CLIC4: variants seen among roughly 807,000 people sequenced by gnomAD.
CLIC4 encodes the protein chloride intracellular channel protein 4.
Under a neutral mutation model 24.6 loss-of-function variants are expected in CLIC4, and 13 were observed. The ratio of observed to expected loss-of-function variants is 0.53; its 90% CI spans 0.34 to 0.84. The LOEUF (loss-of-function observed/expected upper bound fraction) is 0.84, where lower values mean the gene tolerates loss of function less well. CLIC4 is among the 40% of genes least tolerant of loss of function. The pLI is 0.01. For synonymous variants in CLIC4, 104 were observed against 111.3 expected (o/e 0.93, Z 0.41); for missense variants, 227 against 301.7 (o/e 0.75, Z 1.83).
At chr1:24,771,434 G>C (rs1013400418) in intron 1 of CLIC4, among the ~76,000 whole-genome samples, 2 of 152,062 alleles carry the variant, frequency 1.3e-5, no homozygotes, top group Non-Finnish European at 2.9e-5. Context: ...TCAAGGATAA[G>C]GGATTATTTT....
chr1:24,799,517 G>T (rs1316315155), intron 2 of CLIC4, among the ~76,000 whole-genome samples: 1 of 151,266 alleles, frequency 6.6e-6, no homozygotes, highest in East Asian at 2.0e-4. Context: ...GGGAAGTGAG[G>T]AGCGTCTCCG....
intron 1 of CLIC4, among the ~76,000 whole-genome samples, chr1:24,745,946 C>T (rs1314525608): frequency 2.0e-5 from 3 of 150,320 alleles, no homozygotes; most frequent in African/African-American, 7.3e-5. Flanking sequence ...CCCGGGGCCC[C>T]AGCGCCGGGC....
intron 1 of CLIC4, among the ~76,000 whole-genome samples, chr1:24,761,803 T>G (rs1638930908): frequency 6.6e-6 from 1 of 152,054 alleles, no homozygotes; most frequent in African/African-American, 2.4e-5. Flanking sequence ...AGAATGGATT[T>G]GAGGTAGATT....
At chr1:24,813,121 G>A (rs1639632196) in intron 2 of CLIC4, among the ~76,000 whole-genome samples, 1 of 148,734 alleles carries the variant, frequency 6.7e-6, no homozygotes. Context: ...TCTGCTGACT[G>A]CAGCCTCTGC....
chr1:24,749,330 G>T (rs1396630841), intron 1 of CLIC4, among the ~76,000 whole-genome samples: 2 of 152,120 alleles, frequency 1.3e-5, no homozygotes, highest in East Asian at 1.9e-4. Context: ...GTTTGTAAAA[G>T]AAAACTATTT....
chr1:24,801,414 G>A (rs1345062826), intron 2 of CLIC4, among the ~76,000 whole-genome samples: 1 of 152,156 alleles, frequency 6.6e-6, no homozygotes, highest in Non-Finnish European at 1.5e-5. Context: ...TAAACAACCA[G>A]ATCTTGTGAG....
chr1:24,781,134 A>ATT (rs35627731), intron 1 of CLIC4, among the ~76,000 whole-genome samples: 6 of 97,342 alleles, frequency 6.2e-5, no homozygotes, highest in Middle Eastern at 5.8e-3. Flanking sequence ...AGGTAACTGA[A>ATT]TTTTTTTTTT....
At chr1:24,790,586 G>C (rs886990860) in intron 1 of CLIC4, among the ~76,000 whole-genome samples, 4 of 152,164 alleles carry the variant, frequency 2.6e-5, no homozygotes, top group African/African-American at 4.8e-5. Flanking sequence ...CTGCTGGGGT[G>C]GGGGAATGGG....
intron 2 of CLIC4, among the ~76,000 whole-genome samples, chr1:24,807,570 G>C (rs1639565592): frequency 6.6e-6 from 1 of 152,142 alleles, no homozygotes. Flanking sequence ...GAGTCACCGG[G>C]TGAGTGGTTT....
chr1:24,820,117 G>A (rs1250883906), intron 3 of CLIC4, among the ~76,000 whole-genome samples: 3 of 108,734 alleles, frequency 2.8e-5, no homozygotes, highest in Non-Finnish European at 5.7e-5. Flanking sequence ...TTGTACTGTC[G>A]CCCAGGCTGG....
chr1:24,835,455 C>T (rs577797408), intron 4 of CLIC4, among the ~76,000 whole-genome samples: 3 of 152,186 alleles, frequency 2.0e-5, no homozygotes, highest in East Asian at 1.9e-4. Flanking sequence ...CCCAGCTACT[C>T]GGGAGGCTGA....
At chr1:24,814,356 C>A in intron 3 of CLIC4, 137 bp downstream of exon 3, 1 of 1,011,954 alleles carries the variant, frequency 9.9e-7, no homozygotes, top group Non-Finnish European at 1.4e-6. Flanking sequence ...ATTAATGCTA[C>A]ACAGATATAA....
At chr1:24,804,028 C>A (rs145335858) in intron 2 of CLIC4, among the ~76,000 whole-genome samples, 1 of 152,282 alleles carries the variant, frequency 6.6e-6, no homozygotes, top group East Asian at 1.9e-4. Flanking sequence ...ATAGACTCTT[C>A]AGATAGTTTT....
chr1:24,814,160 A>G lies in CLIC4; in HGVS notation c.249A>G (p.Glu83=), dbSNP rs780601934. Residue 83 remains glutamate, a synonymous_variant, in exon 3 of 6, where the codon GAA becomes GAG. Coordinates refer to ENST00000374379, the MANE Select transcript of CLIC4 (RefSeq NM_013943.3). ...THPPFITFNS[E]VKTDVNKIEE... ...CACCATTTATAACTTTCAACAGTGA[A>G]GTCAAAACGGATGTAAATAAGATTG... is the stretch of plus-strand genomic sequence containing the variant. The G allele has an allele frequency of 3.1e-6, 5 of 1,614,034 alleles. No individual in the cohort carries two copies. The highest frequency in any genetic ancestry group is 4.2e-6 in the Non-Finnish European group (5 of 1,180,006).
At chr1:24,764,236 G>C (rs1010818442) in intron 1 of CLIC4, among the ~76,000 whole-genome samples, 1 of 152,106 alleles carries the variant, frequency 6.6e-6, no homozygotes, top group African/African-American at 2.4e-5. Context: ...GAGTAGCTGG[G>C]ATTACAGGCA....
At chr1:24,813,512 G>T (rs1014537141) in intron 2 of CLIC4, among the ~76,000 whole-genome samples, 1 of 150,354 alleles carries the variant, frequency 6.7e-6, no homozygotes, top group Non-Finnish European at 1.5e-5. Context: ...TCCGCCTCCC[G>T]GGTTCAAGTG....
intron 1 of CLIC4, among the ~76,000 whole-genome samples, chr1:24,759,960 C>CA (rs1019756888): frequency 6.7e-5 from 10 of 149,392 alleles, no homozygotes; most frequent in Admixed American, 2.0e-4. Context: ...GACCGTGTCT[C>CA]AAAAAAAAAC....
Position 24,791,997 on chromosome 1 carries a change from C to T in CLIC4, c.73-5745C>T, listed in dbSNP as rs376009625. On this transcript the variant is annotated intron_variant, in intron 1 of 5. Transcript: ENST00000374379. ...CTGGGAGGTAGAGGTTGCAATGAGC[C>T]GAGATGACACCACTGTACTCCAGCC... Among the ~76,000 whole-genome samples the T allele has an allele frequency of 2.5e-3, 379 of 148,710 alleles. 6 individuals carry two copies. The South Asian group carries it at 0.04, about 16-fold the overall frequency.
intron 3 of CLIC4, among the ~76,000 whole-genome samples, chr1:24,822,341 C>CTT (rs71032865): frequency 0.046 from 3,447 of 75,394 alleles, 275 homozygotes; most frequent in African/African-American, 0.1. Flanking sequence ...TCAGTGAATT[C>CTT]TTTTTTTTTT....
Sources: gnomAD v4.1 joint callset for allele counts (sites outside exome capture counted in the v4.1 genomes callset) on GRCh38, gnomAD v4.1.1 for gene constraint, MANE v1.5 for transcripts, NCBI Gene and HGNC (gene_info 2026-07-23, HGNC 2026-07-21) for gene names.